HDAC4: variants seen among roughly 807,000 people sequenced by gnomAD.
The protein encoded by HDAC4 is histone deacetylase 4, also known as histone deacetylase A.
In HDAC4, 16 loss-of-function variants were observed where a neutral mutation model predicts 135.1. That is an observed-to-expected ratio of 0.12 (90% confidence interval 0.08 to 0.18). HDAC4 has a LOEUF of 0.18. HDAC4 is among the 10% of genes least tolerant of loss of function. The pLI, the probability that HDAC4 is intolerant of heterozygous loss-of-function variation, is 1.00. For missense variants in HDAC4, 1,143 were observed against 1,511.8 expected (o/e 0.76, Z 4.05); for synonymous variants, 685 against 653.4 (o/e 1.05, Z -0.74).
At chr2:239,113,682 C>A (rs3791419) in intron 13 of HDAC4, among the ~76,000 whole-genome samples, 102,515 of 152,128 alleles carry the variant, frequency 0.67, 34,539 homozygotes, top group South Asian at 0.76. Flanking sequence ...TCTTATCAGC[C>A]TAATAATAGC....
chr2:239,154,067 C>T (rs1174216121), intron 7 of HDAC4, among the ~76,000 whole-genome samples: 1 of 152,220 alleles, frequency 6.6e-6, no homozygotes, highest in African/African-American at 2.4e-5. Flanking sequence ...GCTCCTAGGG[C>T]TCCCCCATCC....
chr2:239,169,344 G>T (rs968419189), intron 5 of HDAC4, among the ~76,000 whole-genome samples: 1 of 152,206 alleles, frequency 6.6e-6, no homozygotes, highest in Non-Finnish European at 1.5e-5. Flanking sequence ...GCACACCCGC[G>T]ATGTGGGTCC....
At position 239,167,889 on chromosome 2, in the gene HDAC4, C is replaced by A. The variant is rs1002893081; in HGVS notation, c.491-3966G>T. The stretch of plus-strand genomic sequence containing the variant: ...CATACCAGGGGGCAGAGAGTGCACC[C>A]GAGACCTAAGGAATGAGCGAGCAAC... On this transcript the variant is annotated intron_variant, in intron 5 of 26. Transcript: ENST00000543185. This position sits in a 1 kb window ranked among gnomAD's most constrained non-coding sequence, Gnocchi z 4.1. Among the ~76,000 whole-genome samples the A allele has an allele frequency of 6.8e-6, 1 of 146,902 alleles. No individual in the cohort carries two copies. Among genetic ancestry groups the A allele is most frequent in the Admixed American group, 7.2e-5 (1 of 13,886 alleles).
intron 8 of HDAC4, chr2:239,140,984 C>G (rs561910833): frequency 2.4e-6 from 1 of 416,530 alleles, no homozygotes; most frequent in African/African-American, 2.1e-5. Flanking sequence ...CACAGCTCCC[C>G]CAACCTGGCA....
At chr2:239,116,658 T>C (rs1260704340) in intron 12 of HDAC4, among the ~76,000 whole-genome samples, 2 of 152,356 alleles carry the variant, frequency 1.3e-5, no homozygotes, top group East Asian at 3.9e-4. Flanking sequence ...GTCACTCCCC[T>C]GCTGAATGTC....
intron 2 of HDAC4, among the ~76,000 whole-genome samples, chr2:239,271,526 G>A (rs1300879789): frequency 1.3e-5 from 2 of 152,058 alleles, no homozygotes; most frequent in Non-Finnish European, 2.9e-5. Context: ...AGTTCATCTT[G>A]GTGATTGTGT....
Position 239,108,131 on chromosome 2 carries a change from G to C in HDAC4, c.2031C>G (p.Ser677Arg). ...MLKHQCTCGSSSSHPEHAGRI... is the reference protein window; with the variant it reads ...MLKHQCTCGSRSSHPEHAGRI... ...TCCCGGCGTGCTCGGGGTGGCTGCT[G>C]CTACTCCCGCAGGTGCACTGGTGCT... The change falls in exon 15 of 27, where the codon AGC (serine) becomes AGG (arginine). Residue 677 changes from serine (S) to arginine (R), a missense_variant. Transcript: ENST00000543185. 1 of 1,607,732 alleles carries C rather than the reference G, an allele frequency of 6.2e-7. No individual in the cohort carries two copies. Among genetic ancestry groups the C allele is most frequent in the Non-Finnish European group, 8.5e-7 (1 of 1,178,346 alleles).
chr2:239,183,562 C>T (rs2044292196), intron 4 of HDAC4, among the ~76,000 whole-genome samples: 1 of 152,210 alleles, frequency 6.6e-6, no homozygotes, highest in Admixed American at 6.5e-5. Context: ...GGCCCCACTG[C>T]CCACTGCCAC....
chr2:239,353,920 T>C lies in HDAC4; in HGVS notation c.-219-1002A>G, dbSNP rs564425229. On this transcript the variant is annotated intron_variant, in intron 1 of 26. Coordinates refer to ENST00000543185, the MANE Select transcript of HDAC4 (RefSeq NM_001378414.1). ...GTAATCACAGAATTTAATTCTAAAG[T>C]CCGCATTCCTCACGTAACATGATAA... Among the ~76,000 whole-genome samples, 3 of 152,348 alleles carry C rather than the reference T, an allele frequency of 2.0e-5. No individual in the cohort carries two copies. In the South Asian group the frequency reaches 6.2e-4, roughly 32 times the overall value.
chr2:239,292,924 A>G (rs950992473), intron 2 of HDAC4, among the ~76,000 whole-genome samples: 3 of 152,208 alleles, frequency 2.0e-5, no homozygotes, highest in African/African-American at 7.2e-5. Context: ...TGGGAAAAAG[A>G]ACATTTCCGA....
chr2:239,088,117 C>CGGG (rs1377347852), intron 18 of HDAC4, among the ~76,000 whole-genome samples: 1 of 152,182 alleles, frequency 6.6e-6, no homozygotes, highest in Non-Finnish European at 1.5e-5. Context: ...CTCAGGATGG[C>CGGG]GGGCAAGTGG....
chr2:239,149,797 A>C (rs1575196500), intron 7 of HDAC4, among the ~76,000 whole-genome samples: 1 of 152,190 alleles, frequency 6.6e-6, no homozygotes, highest in Admixed American at 6.5e-5. Flanking sequence ...CAGGCTCGCC[A>C]TCTTCACCAC....
At chr2:239,152,722 T>C (rs1447412925) in intron 7 of HDAC4, among the ~76,000 whole-genome samples, 2 of 152,078 alleles carry the variant, frequency 1.3e-5, no homozygotes, top group African/African-American at 4.8e-5. Context: ...CTTCTCTAAG[T>C]GGAGGTGAGT....
intron 1 of HDAC4, among the ~76,000 whole-genome samples, chr2:239,376,822 A>AACCAGACTCCCTGAGT (rs1695044043): frequency 6.6e-6 from 1 of 151,748 alleles, no homozygotes; most frequent in Admixed American, 6.6e-5. Context: ...GTCTCGGTGG[A>AACCAGACTCCCTGAGT]ACCAGACTCC....
intron 1 of HDAC4, among the ~76,000 whole-genome samples, chr2:239,364,774 G>A (rs1271040571): frequency 2.6e-5 from 4 of 152,238 alleles, no homozygotes; most frequent in African/African-American, 2.4e-5. Context: ...CAGCTTGCAC[G>A]ATCTTACCTG....
intron 2 of HDAC4, among the ~76,000 whole-genome samples, chr2:239,266,463 A>AC (rs1377020489): frequency 6.6e-6 from 1 of 152,128 alleles, no homozygotes; most frequent in Admixed American, 6.5e-5. Flanking sequence ...TGGCCATGCT[A>AC]CCCCCACCTA....
chr2:239,247,903 A>G (rs2048558915), intron 2 of HDAC4, among the ~76,000 whole-genome samples: 2 of 152,184 alleles, frequency 1.3e-5, no homozygotes, highest in African/African-American at 4.8e-5. Flanking sequence ...CCAGACCTGA[A>G]AGCACCGCTC....
intron 6 of HDAC4, among the ~76,000 whole-genome samples, chr2:239,159,931 C>A (rs1394820727): frequency 6.6e-6 from 1 of 152,268 alleles, no homozygotes; most frequent in African/African-American, 2.4e-5. Context: ...CCTTGTCTTC[C>A]GGAGGAAGAT....
Position 239,307,771 on chromosome 2 carries a change from G to C in HDAC4, c.22+44907C>G, listed in dbSNP as rs1575667249. On this transcript the variant is annotated intron_variant, in intron 2 of 26. Coordinates refer to ENST00000543185, the MANE Select transcript of HDAC4 (RefSeq NM_001378414.1). The surrounding 1 kb of genome is among the most constrained non-coding windows in gnomAD (Gnocchi z 4.8). ...TTTTAGAACAAGCAAAATGGAATGAGGATGTCGGAGTGTTTCGTGCTTTCT... is the reference window on the plus strand; with the variant it reads ...TTTTAGAACAAGCAAAATGGAATGACGATGTCGGAGTGTTTCGTGCTTTCT... Among the ~76,000 whole-genome samples, 1 of 152,198 alleles carries C rather than the reference G, an allele frequency of 6.6e-6. No individual in the cohort carries two copies. Among genetic ancestry groups the C allele is most frequent in the South Asian group, 2.1e-4 (1 of 4,834 alleles).
Sources: gnomAD v4.1 joint callset for allele counts (sites outside exome capture counted in the v4.1 genomes callset) on GRCh38, gnomAD v4.1.1 for gene constraint, Gnocchi (gnomAD v3.1) non-coding constraint, MANE v1.5 for transcripts, NCBI Gene and HGNC (gene_info 2026-07-23, HGNC 2026-07-21) for gene names.